The following SPOUT1 variants were observed in gnomAD, a reference collection of about 807,000 sequenced individuals.
SPOUT1 encodes the protein SPOUT domain containing methyltransferase 1, also known as 28S rRNA (uridine-N(3))-methyltransferase.
Under a neutral mutation model 54.8 loss-of-function variants are expected in SPOUT1, and 40 were observed. The ratio of observed to expected loss-of-function variants is 0.73; its 90% CI spans 0.57 to 0.95. The LOEUF is 0.95. SPOUT1 is among the 40% of genes least tolerant of loss of function. SPOUT1 has a pLI of 0.00. For synonymous variants in SPOUT1, 193 were observed against 200.3 expected (o/e 0.96, Z 0.31); for missense variants, 437 against 499.5 (o/e 0.87, Z 1.19).
At chr9:128,825,746 G>T (rs747182783) in intron 7 of SPOUT1, among the ~76,000 whole-genome samples, 2 of 152,232 alleles carry the variant, frequency 1.3e-5, no homozygotes, top group Admixed American at 6.5e-5. Flanking sequence ...TTGGCTCTGT[G>T]CCACATGGGA....
Position 128,824,961 on chromosome 9 carries a change from G to A in SPOUT1, c.712+16C>T, listed in dbSNP as rs2293968. 1,089,152 of 1,601,352 alleles carry A rather than the reference G, an allele frequency of 0.68. 379,418 individuals carry two copies. The highest frequency in any genetic ancestry group is 0.74 in the Admixed American group (42,891 of 57,792). On this transcript the variant is annotated intron_variant, in intron 8 of 11. Transcript: ENST00000361256. ...CTCATCAGGCCAACCCAGGGGTTGGGGAACCTTCCAGATACCTGGGTGCTG... is the reference window on the plus strand; with the variant it reads ...CTCATCAGGCCAACCCAGGGGTTGGAGAACCTTCCAGATACCTGGGTGCTG...
chr9:128,826,012 C>T lies in SPOUT1; in HGVS notation c.639+10G>A, dbSNP rs770991575. 10 of 1,614,160 alleles carry T rather than the reference C, an allele frequency of 6.2e-6. No individual in the cohort carries two copies. The South Asian group carries it at 9.9e-5, about 16-fold the overall frequency. On this transcript the variant is annotated intron_variant, in intron 7 of 11. Transcript: ENST00000361256. This position sits in a 1 kb window ranked among gnomAD's most constrained non-coding sequence, Gnocchi z 5.5. ...TGGAGGTGTGTCCTAGCCCATCTTT[C>T]TGTTCCTACCTTTTTCATGCCACAG...
intron 7 of SPOUT1, 31 bp from the exon 8 acceptor site, chr9:128,825,080 T>C: frequency 6.6e-7 from 1 of 1,510,104 alleles, no homozygotes; most frequent in Non-Finnish European, 9.0e-7. Context: ...ATGGGTGCCA[T>C]TCCTCTCAAG....
In SPOUT1 at chr9:128,822,112, G is replaced by C; in HGVS notation, c.*653C>G. 1 of 602,236 alleles carries C rather than the reference G, an allele frequency of 1.7e-6. No individual in the cohort carries two copies. The highest frequency in any genetic ancestry group is 4.5e-4 in the Middle Eastern group (1 of 2,232). 37.3% of individuals were successfully genotyped at this position (602,236 alleles called of 1,614,324 possible). ...ATTGTCGCCCACTCTGCCTGACCCA[G>C]TGTTGGGCATAAGGAAAACAGAGGG... On this transcript the variant is annotated 3_prime_UTR_variant, in exon 12 of 12. Coordinates refer to ENST00000361256, the MANE Select transcript of SPOUT1 (RefSeq NM_016390.4).
Position 128,822,116 on chromosome 9 carries a change from T to A in SPOUT1, c.*649A>T. On this transcript the variant is annotated 3_prime_UTR_variant, in exon 12 of 12. Transcript: ENST00000361256. ...TCGCCCACTCTGCCTGACCCAGTGT[T>A]GGGCATAAGGAAAACAGAGGGAAAG... The A allele has an allele frequency of 1.6e-6, 1 of 607,096 alleles. No individual in the cohort carries two copies. Among genetic ancestry groups the A allele is most frequent in the South Asian group, 2.0e-5 (1 of 49,712 alleles). The allele number at this position is 607,096 out of a possible 1,614,324, so 37.6% of individuals were successfully genotyped here.
chr9:128,826,230 C>A lies in SPOUT1; in HGVS notation c.509-78G>T. Reference sequence around the variant, plus strand: ...CAGTGGGGACCCTGGAGCGGAGTACCGGCTCTGCCACAGACCTGCGTCTTG... The same window carrying A: ...CAGTGGGGACCCTGGAGCGGAGTACAGGCTCTGCCACAGACCTGCGTCTTG... On this transcript the variant is annotated intron_variant, in intron 6 of 11. Coordinates refer to ENST00000361256, the MANE Select transcript of SPOUT1 (RefSeq NM_016390.4). The surrounding 1 kb of genome is among the most constrained non-coding windows in gnomAD (Gnocchi z 5.5). 6.4e-7 allele frequency: 1 copy of A among 1,560,318 alleles called. No individual in the cohort carries two copies. Among genetic ancestry groups the A allele is most frequent in the South Asian group, 1.2e-5 (1 of 84,384 alleles).
At chr9:128,827,483 G>A (rs1830263966) in intron 3 of SPOUT1, among the ~76,000 whole-genome samples, 1 of 152,208 alleles carries the variant, frequency 6.6e-6, no homozygotes, top group African/African-American at 2.4e-5. Flanking sequence ...GCTATCAAAT[G>A]GGGATAAAAT....
At position 128,822,449 on chromosome 9, in the gene SPOUT1, C is replaced by T. The variant is rs752642388; in HGVS notation, c.*316G>A. 1.7e-5 allele frequency: 27 copies of T among 1,587,706 alleles called. No individual in the cohort carries two copies. The highest frequency in any genetic ancestry group is 2.3e-5 in the Non-Finnish European group (27 of 1,166,836). On this transcript the variant is annotated 3_prime_UTR_variant, in exon 12 of 12. Transcript: ENST00000361256. ...GGCAGCAGGTGGGCAAATTGAGCTC[C>T]GCACCTACGTGATGCCCAACGCACC...
At position 128,826,359 on chromosome 9, in the gene SPOUT1, G is replaced by C. The variant is rs374874566; in HGVS notation, c.508+25C>G. 4.2e-5 allele frequency: 68 copies of C among 1,612,370 alleles called. No homozygotes were observed. The African/African-American group carries it at 4.7e-4, about 11-fold the overall frequency. ...TCTGTGGCATGATCCAGGGGAAATG[G>C]GGGGGCGGGCCCATACAGCGTTACC... On this transcript the variant is annotated intron_variant, in intron 6 of 11. Coordinates refer to ENST00000361256, the MANE Select transcript of SPOUT1 (RefSeq NM_016390.4). This position sits in a 1 kb window ranked among gnomAD's most constrained non-coding sequence, Gnocchi z 5.5.
At position 128,826,165 on chromosome 9, in the gene SPOUT1, A is replaced by G. The variant is rs1311095577; in HGVS notation, c.509-13T>C. On this transcript the variant is annotated splice_polypyrimidine_tract_variant and intron_variant, in intron 6 of 11. Transcript: ENST00000361256. This position sits in a 1 kb window ranked among gnomAD's most constrained non-coding sequence, Gnocchi z 5.5. ...GGGTTCAGGAGCCCTGTGGAGGCAG[A>G]GCCGGGAAGAGTCTGGGAAGTGCTA... The G allele has an allele frequency of 6.3e-7, 1 of 1,595,006 alleles. No homozygotes were observed. The highest frequency in any genetic ancestry group is 2.2e-5 in the East Asian group (1 of 44,800).
Position 128,820,997 on chromosome 9 carries a change from C to T in SPOUT1, c.*1768G>A, listed in dbSNP as rs1167151564. On this transcript the variant is annotated 3_prime_UTR_variant, in exon 12 of 12. Coordinates refer to ENST00000361256, the MANE Select transcript of SPOUT1 (RefSeq NM_016390.4). ...GGCAAGCCTGTCAGCTTCCCTGCCT[C>T]GAGTCCCCTCATTCCACCTCCACAG... The T allele has an allele frequency of 4.4e-6, 3 of 682,602 alleles. No individual in the cohort carries two copies. The highest frequency in any genetic ancestry group is 3.6e-5 in the African/African-American group (2 of 55,990). The allele number at this position is 682,602 out of a possible 1,614,324, so 42.3% of individuals were successfully genotyped here.
intron 11 of SPOUT1, 95 bp downstream of exon 11, chr9:128,823,650 ACG>A: frequency 8.7e-7 from 1 of 1,151,170 alleles, no homozygotes; most frequent in East Asian, 2.5e-5. Flanking sequence ...CAAGGCAGCC[ACG>A]GGCAAGGGTG....
intron 3 of SPOUT1, 26 bp from the exon 4 acceptor site, chr9:128,827,217 C>A: frequency 6.3e-7 from 1 of 1,590,808 alleles, no homozygotes; most frequent in Non-Finnish European, 8.6e-7. Context: ...ATGTTCCCAG[C>A]CAGTGTGAGA....
rs72464832 is a variant in SPOUT1 at position 128,824,279 on chromosome 9, G to GGTGT, written c.812-109_812-106dup. ...CGGGGGTGGGTGGGAAGAGCTGTGT[G>GGTGT]GTGTGTGTGTGTGTGTGTGTGCGTG... On this transcript the variant is annotated intron_variant, in intron 9 of 11. Coordinates refer to ENST00000361256, the MANE Select transcript of SPOUT1 (RefSeq NM_016390.4). 551 of 496,068 alleles carry GGTGT rather than the reference G, an allele frequency of 1.1e-3. 1 individual carries two copies. Among genetic ancestry groups the GGTGT allele is most frequent in the African/African-American group, 8.3e-3 (423 of 50,844 alleles). The allele number at this position is 496,068 out of a possible 1,614,324, so 30.7% of individuals were successfully genotyped here. A position where few individuals can be genotyped will look rare whatever the true frequency, so the allele number is the denominator to read the frequency against.
rs773548246 is a variant in SPOUT1, at chr9:128,820,826, A to T, written c.*1939T>A. 2 of 1,610,924 alleles carry T rather than the reference A, an allele frequency of 1.2e-6. No homozygotes were observed. The highest frequency in any genetic ancestry group is 1.7e-6 in the Non-Finnish European group (2 of 1,178,568). On this transcript the variant is annotated 3_prime_UTR_variant, in exon 12 of 12. Transcript: ENST00000361256. ...CAGCTACCAAAACGTCTATGTCTGC[A>T]CAGGGCCACTCTTCCTGCCCAGGTA...
chr9:128,826,253 T>G lies in SPOUT1; in HGVS notation c.509-101A>C. On this transcript the variant is annotated intron_variant, in intron 6 of 11. Transcript: ENST00000361256. This position sits in a 1 kb window ranked among gnomAD's most constrained non-coding sequence, Gnocchi z 5.5. ...ACCGGCTCTGCCACAGACCTGCGTC[T>G]TGGCATCAGACACAGGTCTTGCTCT... 1 of 1,551,306 alleles carries G rather than the reference T, an allele frequency of 6.4e-7. No individual in the cohort carries two copies. Among genetic ancestry groups the G allele is most frequent in the South Asian group, 1.1e-5 (1 of 86,996 alleles).
chr9:128,820,561 G>A lies in SPOUT1; in HGVS notation c.*2204C>T. The A allele has an allele frequency of 1.6e-6, 1 of 609,880 alleles. No individual in the cohort carries two copies. Among genetic ancestry groups the A allele is most frequent in the South Asian group, 2.0e-5 (1 of 50,984 alleles). The allele number at this position is 609,880 out of a possible 1,614,324, so 37.8% of individuals were successfully genotyped here. ...TGGGAGGGACAGAGGGTGGTGGCTA[G>A]CACTCTATCAGCCCTGGGTTTCAGG... On this transcript the variant is annotated 3_prime_UTR_variant, in exon 12 of 12. Transcript: ENST00000361256.
chr9:128,825,906 T>C, intron 7 of SPOUT1, 116 bp downstream of exon 7: 1 of 1,350,622 alleles, frequency 7.4e-7, no homozygotes, highest in South Asian at 1.3e-5. Context: ...TGGCCCAAAT[T>C]TGCATCAGTG....
At chr9:128,824,034 TTCC>T (rs764447826) in intron 10 of SPOUT1, 35 bp downstream of exon 10, 1 of 1,590,238 alleles carries the variant, frequency 6.3e-7, no homozygotes, top group Non-Finnish European at 8.6e-7. Flanking sequence ...CCTGGCCACA[TTCC>T]TCCTGCCCTG....
Sources: allele counts gnomAD v4.1 joint callset (sites outside exome capture counted in the v4.1 genomes callset), GRCh38; gene constraint gnomAD v4.1.1; non-coding constraint Gnocchi (gnomAD v3.1); transcripts MANE v1.5; gene names NCBI Gene and HGNC (gene_info 2026-07-23, HGNC 2026-07-21).